Variants in CFAP44 observed in about 807,000 individuals in gnomAD.
CFAP44 encodes the protein cilia and flagella associated protein 44.
A neutral mutation model predicts 216.2 loss-of-function variants in CFAP44; 134 were observed. That is an observed-to-expected ratio of 0.62 (90% CI 0.54 to 0.72). CFAP44 has a LOEUF of 0.72. Among genes scored for constraint, CFAP44 ranks in the 30% least tolerant of loss-of-function variants. CFAP44 has a pLI of 0.00. For missense variants in CFAP44, 2,035 were observed against 2,182.1 expected (o/e 0.93, Z 1.34); for synonymous variants, 700 against 727.6 (o/e 0.96, Z 0.61).
At chr3:113,374,353 T>C (rs1933266365) in intron 17 of CFAP44, among the ~76,000 whole-genome samples, 1 of 149,022 alleles carries the variant, frequency 6.7e-6, no homozygotes, top group South Asian at 2.1e-4. Context: ...CTGGAGCAAC[T>C]GTCAATTTCT....
chr3:113,364,737 C>T (rs371016513), intron 19 of CFAP44, among the ~76,000 whole-genome samples: 2 of 152,062 alleles, frequency 1.3e-5, no homozygotes, highest in African/African-American at 4.8e-5. Context: ...CCTAGCTACA[C>T]AGTAGAATCA....
rs540133553 is a variant in CFAP44 at position 113,331,854 on chromosome 3, T to A, written c.3616-1186A>T. On this transcript the variant is annotated intron_variant, in intron 25 of 34. Transcript: ENST00000393845. ...TTTTCAATGATTTTCAATTTGACCA[T>A]GACAATAAAGACCATTTATGGATTT... 2.6e-4 allele frequency among the ~76,000 whole-genome samples: 39 copies of A among 152,032 alleles called. No individual in the cohort carries two copies. In the East Asian group the frequency reaches 7.5e-3, roughly 29 times the overall value.
intron 21 of CFAP44, chr3:113,361,258 C>CT: frequency 4.6e-6 from 1 of 219,506 alleles, no homozygotes. Flanking sequence ...GTCAGTCCTA[C>CT]TTTTGGCATG....
chr3:113,408,087 T>C (rs547969544), intron 7 of CFAP44, among the ~76,000 whole-genome samples: 2 of 152,340 alleles, frequency 1.3e-5, no homozygotes, highest in East Asian at 1.9e-4. Flanking sequence ...AATTAGTCTA[T>C]ATTTCTAATA....
chr3:113,374,693 G>A (rs1933283375), intron 17 of CFAP44, among the ~76,000 whole-genome samples: 1 of 152,144 alleles, frequency 6.6e-6, no homozygotes, highest in Admixed American at 6.5e-5. Flanking sequence ...GGAATGCAGT[G>A]GTGCCATCTC....
At chr3:113,343,612 AGAAGT>A (rs2107821380) in intron 23 of CFAP44, among the ~76,000 whole-genome samples, 1 of 152,330 alleles carries the variant, frequency 6.6e-6, no homozygotes, top group Non-Finnish European at 1.5e-5. Context: ...CAGACAGGAG[AGAAGT>A]GAAGAGGTCA....
Position 113,305,112 on chromosome 3 carries a change from G to A in CFAP44, c.4799C>T (p.Ala1600Val), listed in dbSNP as rs931136726. 15 of 1,537,190 alleles carry A rather than the reference G, an allele frequency of 9.8e-6. No homozygotes were observed. Among genetic ancestry groups the A allele is most frequent in the Non-Finnish European group, 1.3e-5 (15 of 1,146,900 alleles). Residue 1600 changes from alanine (A) to valine (V), a missense_variant, in exon 31 of 35, where the codon GCC (alanine) becomes GTC (valine). Transcript: ENST00000393845. Reference sequence around the variant, plus strand: ...CTTCTCTCGCTGATAAGCCTCCAGGGCCTCCTCTGCTGCATTCAGATTAGT... The same window carrying A: ...CTTCTCTCGCTGATAAGCCTCCAGGACCTCCTCTGCTGCATTCAGATTAGT... Reference protein sequence around the residue: ...VATNLNAAEEALEAYQREKQQ... With the variant: ...VATNLNAAEEVLEAYQREKQQ...
Position 113,330,352 on chromosome 3 carries a change from G to C in CFAP44, c.3932C>G (p.Ser1311Cys). ...GPVGGFLKLS[S>C]RKDGDLTTRD... is the part of the protein sequence containing the mutation. ...GGTTGTCAAATCCCCATCCTTTCTA[G>C]AAGAGAGTTTGAGGAATCCTCCAAC... The change falls in exon 26 of 35, where the codon TCT becomes TGT. Residue 1311 changes from serine (S) to cysteine (C), a missense_variant. Coordinates refer to ENST00000393845, the MANE Select transcript of CFAP44 (RefSeq NM_001164496.2). 6.5e-7 allele frequency: 1 copy of C among 1,537,252 alleles called. No homozygotes were observed. Among genetic ancestry groups the C allele is most frequent in the Non-Finnish European group, 8.7e-7 (1 of 1,146,902 alleles).
At chr3:113,360,977 G>A in intron 21 of CFAP44, 1 of 282,870 alleles carries the variant, frequency 3.5e-6, no homozygotes, top group Non-Finnish European at 7.3e-6. Flanking sequence ...GAATTTTGAT[G>A]GTGGATTTGG....
chr3:113,434,803 T>G (rs1452572911), intron 1 of CFAP44: 1 of 152,236 alleles, frequency 6.6e-6, no homozygotes. Flanking sequence ...AAAAACTTTT[T>G]ACAAGCCTGC....
chr3:113,327,662 A>G lies in CFAP44; in HGVS notation c.4274T>C (p.Leu1425Pro). ...LKNFEKQENI[L>P]QERVNSLDKE... ...GTCTAAGGAATTAACACGTTCTTGA[A>G]GTATGTTCTCCTGTTTTTCAAAATT... The change falls in exon 27 of 35, where the codon CTT becomes CCT. Residue 1425 changes from leucine to proline, a missense_variant. This residue lies in a region of CFAP44 where 1,883 missense variants were observed against 2,023.7 expected (regional missense o/e 0.93). Coordinates refer to ENST00000393845, the MANE Select transcript of CFAP44 (RefSeq NM_001164496.2). 1 of 1,537,036 alleles carries G rather than the reference A, an allele frequency of 6.5e-7. No homozygotes were observed. The highest frequency in any genetic ancestry group is 1.4e-5 in the African/African-American group (1 of 73,168).
In CFAP44 at chr3:113,344,566, T is replaced by C; in HGVS notation, c.3212A>G (p.Asp1071Gly). 6.5e-7 allele frequency: 1 copy of C among 1,537,168 alleles called. No individual in the cohort carries two copies. Among genetic ancestry groups the C allele is most frequent in the Non-Finnish European group, 8.7e-7 (1 of 1,146,866 alleles). Residue 1071 changes from aspartate (D) to glycine (G), a missense_variant, in exon 23 of 35, where the codon GAC (aspartate) becomes GGC (glycine). Asp to Gly is a moderately conservative substitution (Grantham distance 94). Coordinates refer to ENST00000393845, the MANE Select transcript of CFAP44 (RefSeq NM_001164496.2). ...SQSERKPSKLDRFEKEGPGRK... is the reference protein window; with the variant it reads ...SQSERKPSKLGRFEKEGPGRK... ...TCCAGGTCCCTCTTTTTCAAACCTG[T>C]CCAATTTGCTTGGTTTTCTCTCTGA...
intron 22 of CFAP44, among the ~76,000 whole-genome samples, chr3:113,354,767 G>A (rs192926085): frequency 4.6e-5 from 7 of 152,278 alleles, no homozygotes; most frequent in Non-Finnish European, 7.4e-5. Flanking sequence ...CCCACTGCCT[G>A]AGAAACCTGA....
chr3:113,324,750 C>G (rs867517586), intron 28 of CFAP44, among the ~76,000 whole-genome samples: 6 of 152,092 alleles, frequency 3.9e-5, no homozygotes, highest in Admixed American at 1.3e-4. Flanking sequence ...AAATAGGCAT[C>G]CTGATCAGAA....
At chr3:113,422,511 C>T (rs113011286) in intron 4 of CFAP44, among the ~76,000 whole-genome samples, 2 of 152,096 alleles carry the variant, frequency 1.3e-5, no homozygotes, top group African/African-American at 4.8e-5. Context: ...TGGATCTGTT[C>T]AAGAAAAAGA....
At chr3:113,313,499 C>T (rs1408013462) in intron 28 of CFAP44, among the ~76,000 whole-genome samples, 4 of 152,034 alleles carry the variant, frequency 2.6e-5, no homozygotes, top group Middle Eastern at 3.4e-3. Flanking sequence ...TGGGAAGGCA[C>T]GACTGGTTTT....
At chr3:113,363,446 C>T (rs766980753) in intron 20 of CFAP44, 31 bp downstream of exon 20, 1 of 1,598,048 alleles carries the variant, frequency 6.3e-7, no homozygotes, top group Non-Finnish European at 8.5e-7. Flanking sequence ...AAATCTCAGG[C>T]CTAGTCAGTA....
At chr3:113,302,194 TC>T in intron 32 of CFAP44, among the ~76,000 whole-genome samples, 1 of 152,228 alleles carries the variant, frequency 6.6e-6, no homozygotes, top group South Asian at 2.1e-4. Context: ...TTAGGTTGAT[TC>T]CGTGTCTTGG....
At chr3:113,399,802 T>A in intron 13 of CFAP44, 104 bp downstream of exon 13, 1 of 683,280 alleles carries the variant, frequency 1.5e-6, no homozygotes, top group South Asian at 4.0e-5. Flanking sequence ...CTTTTATTAT[T>A]CCTTAAAATT....
Sources: gnomAD v4.1 joint callset for allele counts (sites outside exome capture counted in the v4.1 genomes callset) on GRCh38, gnomAD v4.1.1 for gene constraint, gnomAD v4.1.1 regional missense constraint, MANE v1.5 for transcripts, NCBI Gene and HGNC (gene_info 2026-07-23, HGNC 2026-07-21) for gene names.